The following FUT8 variants were observed in gnomAD, a reference collection of about 807,000 sequenced individuals.
FUT8 encodes the protein alpha-(1,6)-fucosyltransferase.
FUT8 carries 29 observed loss-of-function variants against 71.3 expected under a neutral mutation model. The observed-to-expected ratio is 0.41, with a 90% CI of 0.30 to 0.55. The LOEUF (loss-of-function observed/expected upper bound fraction) is 0.55, where lower values mean the gene tolerates loss of function less well. Ranked by LOEUF, FUT8 falls within the 20% of genes least tolerant of loss-of-function variation. The pLI, the probability that FUT8 is intolerant of heterozygous loss-of-function variation, is 0.34. For missense variants in FUT8, 544 were observed against 702.1 expected, an observed-to-expected ratio of 0.77 and a Z score of 2.55; for synonymous variants, 254 against 239.3, an observed-to-expected ratio of 1.06 and a Z score of -0.57.
intron 6 of FUT8, among the ~76,000 whole-genome samples, chr14:65,635,487 T>C (rs1464768798): frequency 2.0e-5 from 3 of 152,198 alleles, no homozygotes; most frequent in Non-Finnish European, 4.4e-5. Context: ...TCATAGCTTT[T>C]ATTACACTGA....
At chr14:65,453,140 C>CT (rs35340794) in intron 1 of FUT8, among the ~76,000 whole-genome samples, 1,888 of 143,584 alleles carry the variant, frequency 0.013, 31 homozygotes, top group African/African-American at 0.039. Flanking sequence ...TTCCTATATT[C>CT]TTTTTTTTTT....
chr14:65,644,157 G>A (rs1437982257), intron 6 of FUT8, among the ~76,000 whole-genome samples: 2 of 152,152 alleles, frequency 1.3e-5, no homozygotes, highest in East Asian at 3.8e-4. Context: ...AAGGGAATAC[G>A]TAGGCTCTTG....
At chr14:65,688,736 T>C (rs1594898313) in intron 7 of FUT8, among the ~76,000 whole-genome samples, 1 of 152,158 alleles carries the variant, frequency 6.6e-6, no homozygotes, top group South Asian at 2.1e-4. Context: ...AGCAGTGAGA[T>C]TGCTGGATCA....
chr14:65,537,181 G>A (rs1241517405), intron 2 of FUT8, among the ~76,000 whole-genome samples: 1 of 151,596 alleles, frequency 6.6e-6, no homozygotes, highest in African/African-American at 2.4e-5. Flanking sequence ...AGCTTGCTTA[G>A]ATTGGCTTTT....
the FUT8 span, among the ~76,000 whole-genome samples, chr14:65,366,753 A>G: frequency 1.3e-5 from 2 of 152,172 alleles, no homozygotes; most frequent in Non-Finnish European, 2.9e-5. Context: ...CTTTCCAGCT[A>G]TGCTCTGGAG....
intron 6 of FUT8, among the ~76,000 whole-genome samples, chr14:65,666,185 T>G (rs758762455): frequency 3.9e-5 from 6 of 152,214 alleles, no homozygotes; most frequent in Non-Finnish European, 8.8e-5. Flanking sequence ...CAAGTAAGCT[T>G]CTTTTCACTG....
intron 2 of FUT8, among the ~76,000 whole-genome samples, chr14:65,528,577 C>G (rs911382618): frequency 1.3e-5 from 2 of 152,164 alleles, no homozygotes; most frequent in Non-Finnish European, 2.9e-5. Context: ...GTCTGACAAT[C>G]CCCAGTGAGA....
chr14:65,707,387 A>T (rs1030757533), intron 7 of FUT8, among the ~76,000 whole-genome samples: 2 of 152,102 alleles, frequency 1.3e-5, no homozygotes, highest in African/African-American at 4.8e-5. Flanking sequence ...GTTGCTTATT[A>T]TTATAGATAT....
In FUT8 at chr14:65,522,828, T is replaced by C. The variant is rs183584235; in HGVS notation, c.-227-38509T>C. On this transcript the variant is annotated intron_variant, in intron 2 of 10. Coordinates refer to ENST00000673929, the MANE Select transcript of FUT8 (RefSeq NM_001371533.1). ...ATGAGTGAGAACATGTGGTATTTGG[T>C]TTACTGTCCTTGCGATAGTTTGCTC... Among the ~76,000 whole-genome samples, 3 of 149,730 alleles carry C rather than the reference T, an allele frequency of 2.0e-5. No homozygotes were observed. In the East Asian group the frequency reaches 6.0e-4, roughly 30 times the overall value.
intron 8 of FUT8, 88 bp downstream of exon 8, chr14:65,722,109 T>A: frequency 1.3e-6 from 2 of 1,484,072 alleles, no homozygotes; most frequent in Non-Finnish European, 1.8e-6. Flanking sequence ...TTACAATATG[T>A]AGTTCAATTT....
At chr14:65,411,688 A>C, upstream of FUT8, 1 of 264,094 alleles carries the variant, frequency 3.8e-6, no homozygotes, top group Non-Finnish European at 7.4e-6. Context: ...TTCTTGTCTT[A>C]AGGGCACCAT....
chr14:65,689,823 C>T (rs1046276543), intron 7 of FUT8, among the ~76,000 whole-genome samples: 1 of 152,208 alleles, frequency 6.6e-6, no homozygotes, highest in African/African-American at 2.4e-5. Context: ...AGGCATGAGC[C>T]ACAGCACCCA....
rs1890648198 is a variant in FUT8 at position 65,638,006 on chromosome 14, A to G, written c.597+8400A>G. On this transcript the variant is annotated intron_variant, in intron 6 of 10. Coordinates refer to ENST00000673929, the MANE Select transcript of FUT8 (RefSeq NM_001371533.1). This position sits in a 1 kb window ranked among gnomAD's most constrained non-coding sequence, Gnocchi z 4.5. ...ACAAAGTTAATGTCATGTTAATGAC[A>G]TAATGAGCTTGGTCAAGTTAACAAC... 6.6e-6 allele frequency among the ~76,000 whole-genome samples: 1 copy of G among 152,234 alleles called. No homozygotes were observed. The highest frequency in any genetic ancestry group is 1.5e-5 in the Non-Finnish European group (1 of 68,044).
intron 6 of FUT8, among the ~76,000 whole-genome samples, chr14:65,668,598 G>A (rs1336149833): frequency 6.6e-6 from 1 of 152,164 alleles, no homozygotes. Context: ...ATGTAAATTA[G>A]TTCAACCATT....
At chr14:65,712,725 G>A (rs1053474804) in intron 7 of FUT8, among the ~76,000 whole-genome samples, 4 of 152,152 alleles carry the variant, frequency 2.6e-5, no homozygotes, top group Admixed American at 6.5e-5. Context: ...GATTACAGGC[G>A]CGAGTCACTG....
intron 3 of FUT8, among the ~76,000 whole-genome samples, chr14:65,608,850 C>T (rs142263606): frequency 5.3e-5 from 8 of 152,094 alleles, no homozygotes; most frequent in African/African-American, 1.9e-4. Flanking sequence ...TGATGTCTAA[C>T]GTCTTTTAGT....
At chr14:65,611,185 A>G (rs1022845867) in intron 3 of FUT8, among the ~76,000 whole-genome samples, 4 of 10,382 alleles carry the variant, frequency 3.9e-4, no homozygotes, top group African/African-American at 1.6e-3. Context: ...TAAGTGTCAT[A>G]CACACACACA....
intron 2 of FUT8, among the ~76,000 whole-genome samples, chr14:65,534,986 C>G (rs1217492315): frequency 1.3e-5 from 2 of 151,110 alleles, no homozygotes; most frequent in Non-Finnish European, 2.9e-5. Context: ...TCTTGCATCT[C>G]TAGTTCTTTT....
intron 2 of FUT8, among the ~76,000 whole-genome samples, chr14:65,513,385 C>T (rs1423765448): frequency 6.6e-6 from 1 of 152,166 alleles, no homozygotes; most frequent in Non-Finnish European, 1.5e-5. Context: ...GAAATAGAGC[C>T]TTTTCTCACA....
Sources: gnomAD v4.1 joint callset for allele counts (sites outside exome capture counted in the v4.1 genomes callset) on GRCh38, gnomAD v4.1.1 for gene constraint, Gnocchi (gnomAD v3.1) non-coding constraint, MANE v1.5 for transcripts, NCBI Gene and HGNC (gene_info 2026-07-23, HGNC 2026-07-21) for gene names.